The following NXPE2 variants were observed in gnomAD, a reference collection of about 807,000 sequenced individuals.
NXPE2 encodes the protein neurexophilin and PC-esterase domain family member 2.
Under a neutral mutation model 34.4 loss-of-function variants are expected in NXPE2, and 34 were observed. The observed-to-expected ratio is 0.99, with a 90% CI of 0.75 to 1.31. NXPE2 has a LOEUF of 1.31. Ranked by LOEUF, NXPE2 falls within the 40% of genes most tolerant of loss-of-function variation. The pLI is 0.00. For missense variants in NXPE2, 649 were observed against 672.5 expected, an observed-to-expected ratio of 0.97 and a Z score of 0.39; for synonymous variants, 235 against 231.3, an observed-to-expected ratio of 1.02 and a Z score of -0.15.
the NXPE2 span, chr11:114,582,335 GT>G: frequency 6.3e-7 from 1 of 1,599,730 alleles, no homozygotes; most frequent in East Asian, 2.2e-5. Context: ...AAACTTTCTT[GT>G]TCTTAGAATA....
chr11:114,631,517 C>G, the NXPE2 span, among the ~76,000 whole-genome samples: 2 of 107,514 alleles, frequency 1.9e-5, no homozygotes, highest in Middle Eastern at 0.011. Flanking sequence ...ACTCTGGGGA[C>G]TGTTGTGGGG....
the NXPE2 span, among the ~76,000 whole-genome samples, chr11:114,601,751 T>C: frequency 1.4e-5 from 1 of 73,218 alleles, no homozygotes; most frequent in Non-Finnish European, 2.3e-5. Context: ...TTATAATATA[T>C]AATATATATG....
the NXPE2 span, among the ~76,000 whole-genome samples, chr11:114,774,908 G>A: frequency 9.2e-5 from 14 of 152,148 alleles, no homozygotes; most frequent in Non-Finnish European, 1.5e-4. Flanking sequence ...ACCTATGGCT[G>A]GACATTTAAA....
At chr11:114,584,327 A>C in the NXPE2 span, 268 of 487,714 alleles carry the variant, frequency 5.5e-4, 2 homozygotes, top group South Asian at 5.2e-4. Flanking sequence ...ACTAATGAGT[A>C]CCTGGAGAAG....
the NXPE2 span, among the ~76,000 whole-genome samples, chr11:114,633,719 G>GT: frequency 1.3e-5 from 2 of 151,602 alleles, no homozygotes; most frequent in Admixed American, 6.6e-5. Flanking sequence ...GTGGCGTTTG[G>GT]TTTTTTGTCC....
chr11:114,521,987 A>C, the NXPE2 span: 2 of 1,612,114 alleles, frequency 1.2e-6, no homozygotes, highest in South Asian at 2.2e-5. Flanking sequence ...GTAGTTTAAG[A>C]ACATGTTAAT....
the NXPE2 span, among the ~76,000 whole-genome samples, chr11:114,719,844 C>T: frequency 1.3e-5 from 2 of 152,150 alleles, no homozygotes; most frequent in African/African-American, 4.8e-5. Context: ...AAGACCCTGT[C>T]CTGATTCTCC....
At chr11:114,744,468 A>G in the NXPE2 span, among the ~76,000 whole-genome samples, 1 of 152,218 alleles carries the variant, frequency 6.6e-6, no homozygotes, top group African/African-American at 2.4e-5. Flanking sequence ...ATAAGTGAGC[A>G]TTCTGGATGT....
intron 1 of NXPE2, 42 bp from the exon 2 acceptor site, chr11:114,679,615 T>G (rs781474773): frequency 1.8e-5 from 22 of 1,250,182 alleles, no homozygotes; most frequent in Non-Finnish European, 2.4e-5. Flanking sequence ...ATGTCGTACT[T>G]ATTTGATTTA....
the NXPE2 span, among the ~76,000 whole-genome samples, chr11:114,575,424 T>A: frequency 6.6e-5 from 10 of 152,178 alleles, no homozygotes; most frequent in African/African-American, 2.4e-4. Context: ...CATGATATGA[T>A]AGTATACCTA....
chr11:114,583,074 A>C, the NXPE2 span: 4 of 1,535,216 alleles, frequency 2.6e-6, no homozygotes, highest in Admixed American at 5.9e-5. Context: ...GCATATCTGA[A>C]CTGAAATGAC....
chr11:114,745,041 C>T, the NXPE2 span, among the ~76,000 whole-genome samples: 1 of 151,954 alleles, frequency 6.6e-6, no homozygotes, highest in Admixed American at 6.6e-5. Context: ...AATAAATATT[C>T]ATGAGAATTT....
the NXPE2 span, among the ~76,000 whole-genome samples, chr11:114,621,951 C>T: frequency 6.6e-6 from 1 of 151,898 alleles, no homozygotes; most frequent in South Asian, 2.1e-4. Context: ...ACCTGTTACC[C>T]TGTGGATAAT....
At chr11:114,521,774 T>C in the NXPE2 span, 1 of 536,806 alleles carries the variant, frequency 1.9e-6, no homozygotes, top group Admixed American at 3.5e-5. Flanking sequence ...CATGGTATAG[T>C]CATTCTTCAT....
At chr11:114,764,470 C>T in the NXPE2 span, among the ~76,000 whole-genome samples, 1 of 151,286 alleles carries the variant, frequency 6.6e-6, no homozygotes, top group Non-Finnish European at 1.5e-5. Flanking sequence ...GTGTGCGCCT[C>T]TACATACATT....
chr11:114,765,003 C>T, the NXPE2 span, among the ~76,000 whole-genome samples: 693 of 152,278 alleles, frequency 4.6e-3, 5 homozygotes, highest in African/African-American at 0.016. Flanking sequence ...CCTGCTCCTT[C>T]TGGGATTTTT....
the NXPE2 span, among the ~76,000 whole-genome samples, chr11:114,500,971 C>T: frequency 6.6e-6 from 1 of 152,120 alleles, no homozygotes; most frequent in Admixed American, 6.5e-5. Flanking sequence ...TGTTTCTATA[C>T]TTGCAGTTTG....
the NXPE2 span, among the ~76,000 whole-genome samples, chr11:114,761,864 G>A: frequency 4.6e-5 from 7 of 151,902 alleles, no homozygotes; most frequent in Admixed American, 3.9e-4. Flanking sequence ...GTGAGCCACC[G>A]CGCCCGGCCG....
At chr11:114,701,461 A>G (rs1040421304) in intron 3 of NXPE2, among the ~76,000 whole-genome samples, 2 of 152,196 alleles carry the variant, frequency 1.3e-5, no homozygotes, top group African/African-American at 4.8e-5. Flanking sequence ...GACAGTAATC[A>G]TGATAGTAAG....
Sources: allele counts gnomAD v4.1 joint callset (sites outside exome capture counted in the v4.1 genomes callset), GRCh38; gene constraint gnomAD v4.1.1; transcripts MANE v1.5; gene names NCBI Gene and HGNC (gene_info 2026-07-23, HGNC 2026-07-21).